Variants in B4GALT6 observed in about 807,000 individuals in gnomAD.
B4GALT6 encodes the protein beta-1,4-galactosyltransferase 6, also known as UDP-Gal:beta-GlcNAc beta-1,4-galactosyltransferase 6.
A neutral mutation model predicts 46.3 loss-of-function variants in B4GALT6; 14 were observed. The observed-to-expected ratio is 0.30, with a 90% CI of 0.20 to 0.47. B4GALT6 has a LOEUF of 0.47. Among genes scored for constraint, B4GALT6 ranks in the 20% least tolerant of loss-of-function variants. The pLI is 0.99. For missense variants in B4GALT6, 386 were observed against 480.1 expected (o/e 0.80, Z 1.83); for synonymous variants, 168 against 162.0 (o/e 1.04, Z -0.28).
At chr18:31,674,026 T>C (rs866509805) in intron 1 of B4GALT6, among the ~76,000 whole-genome samples, 1 of 152,190 alleles carries the variant, frequency 6.6e-6, no homozygotes, top group South Asian at 2.1e-4. Context: ...CAGAAGGATT[T>C]TCCCCAGAGC....
intron 5 of B4GALT6, among the ~76,000 whole-genome samples, chr18:31,635,189 C>A (rs1015450374): frequency 1.3e-5 from 2 of 152,020 alleles, no homozygotes; most frequent in Non-Finnish European, 2.9e-5. Context: ...CGAGATCACG[C>A]CACTGCACTC....
chr18:31,685,614 C>G (rs2074539657), upstream of B4GALT6: 1 of 152,448 alleles, frequency 6.6e-6, no homozygotes, highest in South Asian at 1.9e-4. Context: ...TCCTGCGTCA[C>G]CGCCGCCCCC....
chr18:31,693,316 C>T, the B4GALT6 span, among the ~76,000 whole-genome samples: 16 of 152,166 alleles, frequency 1.1e-4, no homozygotes, highest in African/African-American at 3.6e-4. Context: ...TACACCGGTA[C>T]ATCACTGGTG....
chr18:31,696,994 C>T, the B4GALT6 span, among the ~76,000 whole-genome samples: 4 of 152,096 alleles, frequency 2.6e-5, no homozygotes, highest in Non-Finnish European at 4.4e-5. Context: ...AGGCCAGGCG[C>T]GGTGGCTCAC....
the B4GALT6 span, among the ~76,000 whole-genome samples, chr18:31,716,273 A>G: frequency 6.6e-6 from 1 of 152,240 alleles, no homozygotes; most frequent in Non-Finnish European, 1.5e-5. Flanking sequence ...CCAGAATTCA[A>G]AAAGTCCCAC....
In B4GALT6 at chr18:31,684,525, G is replaced by C; in HGVS notation, c.-99C>G. 6.6e-7 allele frequency: 1 copy of C among 1,520,618 alleles called. No homozygotes were observed. Among genetic ancestry groups the C allele is most frequent in the Non-Finnish European group, 8.8e-7 (1 of 1,133,250 alleles). 94.2% of individuals were successfully genotyped at this position (1,520,618 alleles called of 1,614,324 possible). ...TCCATAAATGTGCTGAGAACCCCGA[G>C]ACTGCAGCGGGGTCCGCGCGGGGAG... On this transcript the variant is annotated 5_prime_UTR_variant, in exon 1 of 9. Coordinates refer to ENST00000306851, the MANE Select transcript of B4GALT6 (RefSeq NM_004775.5).
chr18:31,660,317 T>TA (rs35925897), intron 2 of B4GALT6, among the ~76,000 whole-genome samples: 4 of 152,130 alleles, frequency 2.6e-5, no homozygotes, highest in South Asian at 4.1e-4. Context: ...TTTTTGTTTT[T>TA]AAAAAAAGGG....
chr18:31,704,851 C>T, the B4GALT6 span, among the ~76,000 whole-genome samples: 4 of 152,038 alleles, frequency 2.6e-5, no homozygotes, highest in East Asian at 1.9e-4. Flanking sequence ...AAAAGACTCA[C>T]GTGGTTAATA....
intron 2 of B4GALT6, among the ~76,000 whole-genome samples, chr18:31,659,098 G>C (rs1279844319): frequency 2.0e-5 from 3 of 152,184 alleles, no homozygotes; most frequent in Non-Finnish European, 4.4e-5. Context: ...GACGGAAACA[G>C]CTCATTAAAC....
chr18:31,631,198 A>AGC (rs753373002), intron 5 of B4GALT6, 52 bp from the exon 6 acceptor site: 1 of 1,221,578 alleles, frequency 8.2e-7, no homozygotes, highest in Non-Finnish European at 1.1e-6. Flanking sequence ...ACACTTCATC[A>AGC]TCTTTTTTTT....
At chr18:31,693,887 G>C in the B4GALT6 span, among the ~76,000 whole-genome samples, 1 of 152,182 alleles carries the variant, frequency 6.6e-6, no homozygotes, top group Non-Finnish European at 1.5e-5. Flanking sequence ...AGGGTCACTT[G>C]AGCCTGGGAG....
intron 1 of B4GALT6, among the ~76,000 whole-genome samples, chr18:31,679,485 G>A (rs1348247719): frequency 6.6e-6 from 1 of 152,202 alleles, no homozygotes; most frequent in African/African-American, 2.4e-5. Flanking sequence ...AAGGAGGGTA[G>A]CAAATCCCAT....
At chr18:31,696,079 G>C in the B4GALT6 span, among the ~76,000 whole-genome samples, 1 of 152,176 alleles carries the variant, frequency 6.6e-6, no homozygotes, top group Non-Finnish European at 1.5e-5. Context: ...GGGAAACATG[G>C]AGAGAGAGTT....
At chr18:31,667,652 A>AC (rs2074297452) in intron 1 of B4GALT6, among the ~76,000 whole-genome samples, 1 of 152,194 alleles carries the variant, frequency 6.6e-6, no homozygotes, top group African/African-American at 2.4e-5. Context: ...AAAGAGACAA[A>AC]CAGAAATCCA....
chr18:31,667,964 G>A (rs2074301732), intron 1 of B4GALT6, among the ~76,000 whole-genome samples: 2 of 152,000 alleles, frequency 1.3e-5, no homozygotes, highest in African/African-American at 4.8e-5. Flanking sequence ...GGACATGGTG[G>A]TGCAAGCCTG....
the B4GALT6 span, among the ~76,000 whole-genome samples, chr18:31,691,521 C>A: frequency 6.6e-6 from 1 of 151,652 alleles, no homozygotes; most frequent in Non-Finnish European, 1.5e-5. Context: ...AATCTTATAC[C>A]TGTAGCCAAC....
chr18:31,721,524 A>G, the B4GALT6 span, among the ~76,000 whole-genome samples: 1 of 152,266 alleles, frequency 6.6e-6, no homozygotes, highest in Non-Finnish European at 1.5e-5. Flanking sequence ...GTTAAACACT[A>G]GTCTAGGCAT....
chr18:31,658,884 T>C lies in B4GALT6; in HGVS notation c.233-795A>G, dbSNP rs564052238. 7.9e-5 allele frequency among the ~76,000 whole-genome samples: 12 copies of C among 152,270 alleles called. No individual in the cohort carries two copies. In the South Asian group the frequency reaches 2.5e-3, roughly 32 times the overall value. On this transcript the variant is annotated intron_variant, in intron 2 of 8. Transcript: ENST00000306851. ...TAGAAATAGCTAATAACTGTAGCTA[T>C]GAGCGATTAGAGATGAGCACCTGAC... is the stretch of plus-strand genomic sequence containing the variant.
At chr18:31,693,841 G>T in the B4GALT6 span, among the ~76,000 whole-genome samples, 4 of 152,028 alleles carry the variant, frequency 2.6e-5, no homozygotes, top group African/African-American at 9.7e-5. Flanking sequence ...GGCAGTACAC[G>T]CCTGTAGTCC....
Sources: allele counts gnomAD v4.1 joint callset (sites outside exome capture counted in the v4.1 genomes callset), GRCh38; gene constraint gnomAD v4.1.1; transcripts MANE v1.5; gene names NCBI Gene and HGNC (gene_info 2026-07-23, HGNC 2026-07-21).